Variants in AGTPBP1 observed in about 807,000 individuals in gnomAD.
AGTPBP1 encodes the protein ATP/GTP binding carboxypeptidase 1.
AGTPBP1 carries 70 observed loss-of-function variants against 143.9 expected under a neutral mutation model. The observed-to-expected ratio is 0.49, with a 90% CI of 0.40 to 0.59. The LOEUF (loss-of-function observed/expected upper bound fraction) is 0.59, where lower values mean the gene tolerates loss of function less well. Among genes scored for constraint, AGTPBP1 ranks in the 20% least tolerant of loss-of-function variants. The pLI is 0.00. For missense variants in AGTPBP1, 1,229 were observed against 1,464.5 expected, an observed-to-expected ratio of 0.84 and a Z score of 2.62; for synonymous variants, 463 against 500.2, an observed-to-expected ratio of 0.93 and a Z score of 0.99.
intron 13 of AGTPBP1, among the ~76,000 whole-genome samples, chr9:85,637,917 G>A (rs977645164): frequency 1.3e-5 from 2 of 152,164 alleles, no homozygotes; most frequent in Admixed American, 1.3e-4. Flanking sequence ...GCACATGCAA[G>A]TACACGCCAC....
chr9:85,780,746 A>G, the AGTPBP1 span, among the ~76,000 whole-genome samples: 19 of 152,164 alleles, frequency 1.2e-4, no homozygotes, highest in African/African-American at 4.6e-4. Flanking sequence ...TGTAGCTGAA[A>G]ACAAACCCAT....
intron 21 of AGTPBP1, among the ~76,000 whole-genome samples, chr9:85,587,808 T>G (rs1015514947): frequency 6.6e-6 from 1 of 152,052 alleles, no homozygotes; most frequent in African/African-American, 2.4e-5. Context: ...TACAAAGTAA[T>G]TATCTTCCAC....
At position 85,566,529 on chromosome 9, in the gene AGTPBP1, C is replaced by CAAAAAAAA. The variant is rs72129899; in HGVS notation, c.3503+8778_3503+8785dup. 4.1e-4 allele frequency among the ~76,000 whole-genome samples: 32 copies of CAAAAAAAA among 78,544 alleles called. 1 individual carries two copies. The highest frequency in any genetic ancestry group is 1.8e-3 in the African/African-American group (31 of 17,274). 51.5% of individuals were successfully genotyped at this position (78,544 alleles called of 152,430 possible). On this transcript the variant is annotated intron_variant, in intron 25 of 25. Coordinates refer to ENST00000357081, the MANE Select transcript of AGTPBP1 (RefSeq NM_001330701.2). ...TGGGCAACAGATCAAGACCATGTCT[C>CAAAAAAAA]AAAAAAAAAAAAAAAAAAAAGGCTG...
At chr9:85,725,163 C>T (rs1838387657) in intron 1 of AGTPBP1, among the ~76,000 whole-genome samples, 1 of 152,148 alleles carries the variant, frequency 6.6e-6, no homozygotes, top group Admixed American at 6.5e-5. Flanking sequence ...TAGAGGAAAG[C>T]ATAGACACAG....
chr9:85,771,981 T>G, the AGTPBP1 span, among the ~76,000 whole-genome samples: 1 of 141,686 alleles, frequency 7.1e-6, no homozygotes, highest in East Asian at 2.1e-4. Flanking sequence ...CTCTTTATGC[T>G]GTTCTTTTTT....
At chr9:85,683,608 A>G (rs1350284958) in intron 3 of AGTPBP1, among the ~76,000 whole-genome samples, 1 of 152,082 alleles carries the variant, frequency 6.6e-6, no homozygotes, top group Non-Finnish European at 1.5e-5. Flanking sequence ...ATCTTGGGAG[A>G]CTTCAATGTC....
chr9:85,678,320 G>T lies in AGTPBP1; in HGVS notation c.289+15C>A. 1 of 1,572,658 alleles carries T rather than the reference G, an allele frequency of 6.4e-7. No individual in the cohort carries two copies. Among genetic ancestry groups the T allele is most frequent in the Non-Finnish European group, 8.7e-7 (1 of 1,152,838 alleles). ...GTTTAGAAACAGAAATTAGACCAAA[G>T]AAACAAAAACTTACCAGCTGACACC... On this transcript the variant is annotated intron_variant, in intron 5 of 25. Transcript: ENST00000357081.
Position 85,546,820 on chromosome 9 carries a change from A to G in AGTPBP1, c.*289T>C. 1 of 229,470 alleles carries G rather than the reference A, an allele frequency of 4.4e-6. No individual in the cohort carries two copies. The highest frequency in any genetic ancestry group is 1.0e-4 in the South Asian group (1 of 9,548). 14.2% of individuals were successfully genotyped at this position (229,470 alleles called of 1,614,324 possible). ...TATCCACTTGATGCAGGATATAACC[A>G]TAGGGAGATAAAAATTCATGCAATG... On this transcript the variant is annotated 3_prime_UTR_variant, in exon 26 of 26. Transcript: ENST00000357081.
chr9:85,572,002 GTGTTTTTTTTTT>G (rs1827504885), intron 25 of AGTPBP1, among the ~76,000 whole-genome samples: 1 of 85,286 alleles, frequency 1.2e-5, no homozygotes, highest in African/African-American at 3.6e-5. Flanking sequence ...TTGTTTGTGT[GTGTTTTTTTTTT>G]TTTTTTTTTT....
intron 2 of AGTPBP1, among the ~76,000 whole-genome samples, chr9:85,701,402 G>A (rs1171479265): frequency 6.7e-6 from 1 of 149,776 alleles, no homozygotes; most frequent in Non-Finnish European, 1.5e-5. Flanking sequence ...GCTAATTTTT[G>A]TATTTCTAGT....
At chr9:85,728,124 T>TA (rs1424535283) in intron 1 of AGTPBP1, among the ~76,000 whole-genome samples, 2 of 151,232 alleles carry the variant, frequency 1.3e-5, no homozygotes, top group African/African-American at 2.4e-5. Context: ...ATCCTGTGAT[T>TA]AAAAAAAGGC....
chr9:85,785,640 G>A, the AGTPBP1 span: 183 of 162,208 alleles, frequency 1.1e-3, 1 homozygote, highest in Non-Finnish European at 1.1e-3. Context: ...TATCATGCTG[G>A]GAGTGCCAAC....
chr9:85,678,885 C>G (rs1161944877), intron 4 of AGTPBP1, among the ~76,000 whole-genome samples: 3 of 152,058 alleles, frequency 2.0e-5, no homozygotes, highest in African/African-American at 7.2e-5. Flanking sequence ...TATTTTGCAC[C>G]TTGATATTTT....
In AGTPBP1 at chr9:85,643,005, A is replaced by G. The variant is rs546631355; in HGVS notation, c.1186-62T>C. 1.3e-3 allele frequency: 1,389 copies of G among 1,074,118 alleles called. 8 individuals carry two copies. The highest frequency in any genetic ancestry group is 1.6e-3 in the Non-Finnish European group (1,171 of 723,240). The allele number at this position is 1,074,118 out of a possible 1,614,324, so 66.5% of individuals were successfully genotyped here. On this transcript the variant is annotated intron_variant, in intron 12 of 25. Transcript: ENST00000357081. Reference sequence around the variant, plus strand: ...AAAATTTTTAAAAATTACAGAAAACATTTTAGATTTAAAATGTTCCAAGTT... The same window carrying G: ...AAAATTTTTAAAAATTACAGAAAACGTTTTAGATTTAAAATGTTCCAAGTT...
chr9:85,740,190 A>C (rs1284148770), intron 1 of AGTPBP1, among the ~76,000 whole-genome samples: 1 of 152,234 alleles, frequency 6.6e-6, no homozygotes, highest in Non-Finnish European at 1.5e-5. Context: ...TAATAGATTT[A>C]AATGCTTTGC....
At chr9:85,771,403 C>G in the AGTPBP1 span, among the ~76,000 whole-genome samples, 1 of 152,038 alleles carries the variant, frequency 6.6e-6, no homozygotes, top group African/African-American at 2.4e-5. Flanking sequence ...ATGAGCCCAG[C>G]AATTTGAGTT....
In AGTPBP1 at chr9:85,741,897, C is replaced by CGAGGCG. The variant is rs1279007939; in HGVS notation, c.-162_-157dup. 1.0e-5 allele frequency: 14 copies of CGAGGCG among 1,354,860 alleles called. No individual in the cohort carries two copies. Among genetic ancestry groups the CGAGGCG allele is most frequent in the East Asian group, 3.1e-5 (1 of 32,200 alleles). 83.9% of individuals were successfully genotyped at this position (1,354,860 alleles called of 1,614,324 possible). On this transcript the variant is annotated 5_prime_UTR_variant, in exon 1 of 26. Coordinates refer to ENST00000357081, the MANE Select transcript of AGTPBP1 (RefSeq NM_001330701.2). ...TTTTCATACAAACCCCGGTGGCAGGCGAGGCGGAGGCGGCGGCGGCGGCAG... is the reference window on the plus strand; with the variant it reads ...TTTTCATACAAACCCCGGTGGCAGGCGAGGCGGAGGCGGAGGCGGCGGCGGCGGCAG...
chr9:85,753,425 T>C, the AGTPBP1 span: 1 of 1,613,658 alleles, frequency 6.2e-7, no homozygotes, highest in Non-Finnish European at 8.5e-7. Flanking sequence ...TCCAGGTTTG[T>C]CAATTCTATT....
intron 1 of AGTPBP1, among the ~76,000 whole-genome samples, chr9:85,740,236 T>A (rs969094646): frequency 6.6e-6 from 1 of 152,220 alleles, no homozygotes; most frequent in East Asian, 1.9e-4. Context: ...TTTAAGCCTA[T>A]CCACTTCATT....
Sources: allele counts gnomAD v4.1 joint callset (sites outside exome capture counted in the v4.1 genomes callset), GRCh38; gene constraint gnomAD v4.1.1; transcripts MANE v1.5; gene names NCBI Gene and HGNC (gene_info 2026-07-23, HGNC 2026-07-21).